Variants in TMEM132B observed in about 807,000 individuals in gnomAD.
TMEM132B encodes transmembrane protein 132B.
TMEM132B carries 18 observed loss-of-function variants against 90.8 expected under a neutral mutation model. That is an observed-to-expected ratio of 0.20 (90% CI 0.14 to 0.29). TMEM132B has a LOEUF of 0.29. Ranked by LOEUF, TMEM132B falls within the 10% of genes least tolerant of loss-of-function variation. The pLI, the probability that TMEM132B is intolerant of heterozygous loss-of-function variation, is 1.00. For synonymous variants in TMEM132B, 504 were observed against 523.3 expected (o/e 0.96, Z 0.50); for missense variants, 1,096 against 1,326.8 (o/e 0.83, Z 2.70).
intron 3 of TMEM132B, among the ~76,000 whole-genome samples, chr12:125,457,791 G>A (rs186884620): frequency 5.1e-4 from 78 of 152,188 alleles, no homozygotes; most frequent in Non-Finnish European, 1.0e-3. Context: ...ACATTCAGGT[G>A]AGCATGATGC....
intron 1 of TMEM132B, among the ~76,000 whole-genome samples, chr12:125,188,861 A>AAAG (rs1555230821): frequency 2.1e-5 from 3 of 144,768 alleles, no homozygotes; most frequent in Non-Finnish European, 4.6e-5. Flanking sequence ...GCAAAAAAAA[A>AAAG]AAAAAAAAAA....
At chr12:125,434,374 T>C (rs1343470400) in intron 3 of TMEM132B, among the ~76,000 whole-genome samples, 2 of 152,216 alleles carry the variant, frequency 1.3e-5, no homozygotes, top group African/African-American at 4.8e-5. Context: ...GTTCACAGGT[T>C]CTGGGGATTA....
intron 4 of TMEM132B, among the ~76,000 whole-genome samples, chr12:125,534,050 G>T (rs956822163): frequency 4.6e-5 from 7 of 152,126 alleles, no homozygotes; most frequent in Admixed American, 1.3e-4. Context: ...GCAAGTGGCC[G>T]GCGAACTTCA....
At chr12:125,637,575 T>TG (rs1014383544) in intron 5 of TMEM132B, among the ~76,000 whole-genome samples, 1 of 151,884 alleles carries the variant, frequency 6.6e-6, no homozygotes, top group Non-Finnish European at 1.5e-5. Context: ...GGAAGCAAAG[T>TG]GGGGGGACAA....
chr12:125,474,284 C>T (rs191850983), intron 3 of TMEM132B, among the ~76,000 whole-genome samples: 12 of 135,964 alleles, frequency 8.8e-5, no homozygotes, highest in African/African-American at 3.2e-4. Context: ...CCCCTCCCCT[C>T]CCCTTCCCTT....
At chr12:125,647,478 C>T (rs946138306) in intron 6 of TMEM132B, among the ~76,000 whole-genome samples, 3 of 152,162 alleles carry the variant, frequency 2.0e-5, no homozygotes, top group African/African-American at 7.2e-5. Flanking sequence ...AGAGGTTATA[C>T]CAATTTGAAT....
chr12:125,650,557 G>A lies in TMEM132B; in HGVS notation c.1644-126G>A. 2.8e-6 allele frequency: 3 copies of A among 1,074,368 alleles called. No individual in the cohort carries two copies. In the East Asian group the frequency reaches 7.8e-5, roughly 28 times the overall value. The allele number at this position is 1,074,368 out of a possible 1,614,324, so 66.6% of individuals were successfully genotyped here. A position where few individuals can be genotyped will look rare whatever the true frequency, so the allele number is the denominator to read the frequency against. ...GAACTGGGAGTGGATAGATGGCTGA[G>A]CAGGTCCTGCAGGAGAAGGACCATT... On this transcript the variant is annotated intron_variant, in intron 6 of 8. Transcript: ENST00000682704.
At chr12:125,252,730 T>C (rs537020226) in intron 1 of TMEM132B, among the ~76,000 whole-genome samples, 2 of 152,282 alleles carry the variant, frequency 1.3e-5, no homozygotes, top group East Asian at 3.9e-4. Flanking sequence ...CCCTGCCCCA[T>C]GACCAAGGAT....
At position 125,559,619 on chromosome 12, in the gene TMEM132B, C is replaced by T. The variant is rs372928086; in HGVS notation, c.1294-24232C>T. Among the ~76,000 whole-genome samples, 8 of 152,192 alleles carry T rather than the reference C, an allele frequency of 5.3e-5. No homozygotes were observed. The East Asian group carries it at 5.8e-4, about 11-fold the overall frequency. On this transcript the variant is annotated intron_variant, in intron 4 of 8. Transcript: ENST00000682704. Reference sequence around the variant, plus strand: ...GGTGGGACCTTTCCTGCTGACCTCCCGGGGATGCTGTGACCCTCCTGACAT... The same window carrying T: ...GGTGGGACCTTTCCTGCTGACCTCCTGGGGATGCTGTGACCCTCCTGACAT...
intron 3 of TMEM132B, among the ~76,000 whole-genome samples, chr12:125,499,863 G>A (rs374432568): frequency 1.3e-4 from 20 of 152,222 alleles, no homozygotes; most frequent in East Asian, 7.7e-4. Context: ...AATTACTGAC[G>A]CACACACTAT....
intron 2 of TMEM132B, among the ~76,000 whole-genome samples, chr12:125,405,709 C>T (rs1317332375): frequency 6.6e-6 from 1 of 152,150 alleles, no homozygotes; most frequent in Non-Finnish European, 1.5e-5. Flanking sequence ...TTGTTTGGTG[C>T]CACAGATTTC....
At chr12:125,401,963 T>C (rs1593124587) in intron 2 of TMEM132B, among the ~76,000 whole-genome samples, 1 of 152,348 alleles carries the variant, frequency 6.6e-6, no homozygotes, top group Non-Finnish European at 1.5e-5. Context: ...TAATTTGTCA[T>C]TTTTCTTCCA....
chr12:125,572,869 A>G (rs778573859), intron 4 of TMEM132B, among the ~76,000 whole-genome samples: 43 of 152,308 alleles, frequency 2.8e-4, no homozygotes, highest in South Asian at 8.3e-4. Flanking sequence ...GTTTATGACA[A>G]TATGGACTCA....
At chr12:125,522,136 A>G (rs956971435) in intron 4 of TMEM132B, among the ~76,000 whole-genome samples, 1 of 152,130 alleles carries the variant, frequency 6.6e-6, no homozygotes, top group Non-Finnish European at 1.5e-5. Flanking sequence ...TTTTCATTTG[A>G]AGGTCAACTC....
intron 1 of TMEM132B, among the ~76,000 whole-genome samples, chr12:125,297,430 C>T (rs1048245114): frequency 6.6e-6 from 1 of 152,164 alleles, no homozygotes; most frequent in Non-Finnish European, 1.5e-5. Context: ...AATGGCCAGC[C>T]TTCTGGCTTA....
chr12:125,197,951 G>T lies in TMEM132B; in HGVS notation c.67+11085G>T, dbSNP rs79789765. Among the ~76,000 whole-genome samples, 1,095 of 152,316 alleles carry T rather than the reference G, an allele frequency of 7.2e-3. 10 individuals carry two copies. Among genetic ancestry groups the T allele is most frequent in the African/African-American group, 0.024 (985 of 41,560 alleles). On this transcript the variant is annotated intron_variant, in intron 1 of 8. Coordinates refer to ENST00000682704, the MANE Select transcript of TMEM132B (RefSeq NM_001366854.1). ...TTAAAAAATAGTAGCACATGTGTGT[G>T]TGAGATATTTTTTACTCTGTAGGCA...
At chr12:125,343,852 A>C (rs977898670) in intron 1 of TMEM132B, among the ~76,000 whole-genome samples, 1 of 152,196 alleles carries the variant, frequency 6.6e-6, no homozygotes, top group African/African-American at 2.4e-5. Context: ...TTTAGGACCA[A>C]ATGAATGGAG....
At chr12:125,588,778 G>A (rs530621091) in intron 5 of TMEM132B, among the ~76,000 whole-genome samples, 3 of 152,218 alleles carry the variant, frequency 2.0e-5, no homozygotes, top group South Asian at 2.1e-4. Context: ...ACCTTTGGGC[G>A]CATTTGAAGA....
In TMEM132B at chr12:125,407,044, C is replaced by G. The variant is rs535397996; in HGVS notation, c.960-8487C>G. On this transcript the variant is annotated intron_variant, in intron 2 of 8. Coordinates refer to ENST00000682704, the MANE Select transcript of TMEM132B (RefSeq NM_001366854.1). The surrounding 1 kb of genome is among the most constrained non-coding windows in gnomAD (Gnocchi z 6.7). The stretch of plus-strand genomic sequence containing the variant: ...GTGCTGCCAACTGGGGGAGCTCACC[C>G]AAGCTTGGTGTCCAGAGCTTTTTTT... Among the ~76,000 whole-genome samples, 1 of 152,270 alleles carries G rather than the reference C, an allele frequency of 6.6e-6. No homozygotes were observed. Among genetic ancestry groups the G allele is most frequent in the South Asian group, 2.1e-4 (1 of 4,822 alleles).
Sources: allele counts gnomAD v4.1 joint callset (sites outside exome capture counted in the v4.1 genomes callset), GRCh38; gene constraint gnomAD v4.1.1; non-coding constraint Gnocchi (gnomAD v3.1); transcripts MANE v1.5; gene names NCBI Gene and HGNC (gene_info 2026-07-23, HGNC 2026-07-21).